The following GLI2 variants were observed in gnomAD, a reference collection of about 807,000 sequenced individuals.
GLI2 encodes transcription activator GLI2.
In GLI2, 22 loss-of-function variants were observed where a neutral mutation model predicts 78.9. The observed-to-expected ratio is 0.28, with a 90% CI of 0.20 to 0.40. The LOEUF (loss-of-function observed/expected upper bound fraction) is 0.40. Among genes scored for constraint, GLI2 ranks in the 10% least tolerant of loss-of-function variants. GLI2 has a pLI of 1.00. For missense variants in GLI2, 2,097 were observed against 2,213.2 expected (o/e 0.95, Z 1.05); for synonymous variants, 974 against 963.7 (o/e 1.01, Z -0.20).
intron 2 of GLI2, among the ~76,000 whole-genome samples, chr2:120,906,663 C>T (rs13432964): frequency 3.3e-4 from 50 of 152,058 alleles, no homozygotes; most frequent in Non-Finnish European, 6.6e-4. Context: ...TGTAACTAGT[C>T]TCTGGACACA....
intron 2 of GLI2, among the ~76,000 whole-genome samples, chr2:120,834,950 C>T (rs1686538438): frequency 6.6e-6 from 1 of 152,182 alleles, no homozygotes; most frequent in African/African-American, 2.4e-5. Context: ...TGGGTCCTCA[C>T]TCTTCAGCTC....
intron 2 of GLI2, among the ~76,000 whole-genome samples, chr2:120,815,930 C>T (rs1043591061): frequency 5.9e-5 from 9 of 152,134 alleles, no homozygotes; most frequent in East Asian, 1.9e-4. Flanking sequence ...TTAGAGTTCA[C>T]GCCTGCCTTC....
chr2:120,868,351 T>C (rs1033550169), intron 2 of GLI2, among the ~76,000 whole-genome samples: 1 of 152,246 alleles, frequency 6.6e-6, no homozygotes, highest in Non-Finnish European at 1.5e-5. Context: ...CGAACAGGAA[T>C]GTTCTGGAGG....
intron 1 of GLI2, among the ~76,000 whole-genome samples, chr2:120,743,294 C>G (rs997179843): frequency 6.6e-6 from 1 of 152,186 alleles, no homozygotes; most frequent in East Asian, 1.9e-4. Flanking sequence ...CCCCGCTCCC[C>G]TTCCTGCTTC....
chr2:120,892,597 C>G (rs1389256046), intron 2 of GLI2, among the ~76,000 whole-genome samples: 1 of 152,182 alleles, frequency 6.6e-6, no homozygotes, highest in Non-Finnish European at 1.5e-5. Flanking sequence ...CGTGTTTGTG[C>G]CTGAGGGGCT....
At chr2:120,868,179 A>G (rs1362595548) in intron 2 of GLI2, among the ~76,000 whole-genome samples, 3 of 152,236 alleles carry the variant, frequency 2.0e-5, no homozygotes, top group African/African-American at 7.2e-5. Context: ...AGCTGCAAGG[A>G]GGACTCCAGA....
intron 2 of GLI2, among the ~76,000 whole-genome samples, chr2:120,888,135 G>A (rs1048418569): frequency 9.2e-5 from 14 of 152,226 alleles, no homozygotes; most frequent in African/African-American, 3.1e-4. Flanking sequence ...CTGTCTGGCT[G>A]GATGCCGAAA....
intron 2 of GLI2, among the ~76,000 whole-genome samples, chr2:120,924,651 G>A (rs1235489608): frequency 6.6e-6 from 1 of 152,122 alleles, no homozygotes; most frequent in Non-Finnish European, 1.5e-5. Context: ...CTACACATTT[G>A]GGAAAGCGAA....
chr2:120,835,172 T>C (rs1216277948), intron 2 of GLI2, among the ~76,000 whole-genome samples: 1 of 152,168 alleles, frequency 6.6e-6, no homozygotes, highest in East Asian at 1.9e-4. Flanking sequence ...AATGGTCTTT[T>C]AGTGGCATTG....
chr2:120,968,664 CTCCCCCA>C, intron 5 of GLI2, 43 bp from the exon 6 acceptor site: 1 of 1,332,446 alleles, frequency 7.5e-7, no homozygotes, highest in African/African-American at 1.4e-5. Context: ...ATGTCACCCC[CTCCCCCA>C]TCCCCAGTGA....
At chr2:120,833,462 G>A (rs776412723) in intron 2 of GLI2, among the ~76,000 whole-genome samples, 5 of 152,166 alleles carry the variant, frequency 3.3e-5, no homozygotes, top group African/African-American at 7.2e-5. Flanking sequence ...TGCCCTGGCT[G>A]TGTGACCCTG....
intron 9 of GLI2, among the ~76,000 whole-genome samples, chr2:120,978,226 T>G (rs1025918792): frequency 1.3e-5 from 2 of 151,986 alleles, no homozygotes; most frequent in Admixed American, 6.5e-5. Flanking sequence ...GGGGTGGTCT[T>G]GTTGGGTCAG....
intron 1 of GLI2, among the ~76,000 whole-genome samples, chr2:120,770,488 A>G (rs1683491251): frequency 6.6e-6 from 1 of 152,156 alleles, no homozygotes; most frequent in African/African-American, 2.4e-5. Flanking sequence ...GGGACCCAGG[A>G]GCTGTTGCTG....
intron 2 of GLI2, among the ~76,000 whole-genome samples, chr2:120,835,498 G>A (rs1686568508): frequency 6.6e-6 from 1 of 150,686 alleles, no homozygotes; most frequent in African/African-American, 2.4e-5. Flanking sequence ...AGATTCTCCC[G>A]CCTCAGCCTC....
chr2:120,959,552 C>T (rs1427703942), intron 5 of GLI2, among the ~76,000 whole-genome samples: 1 of 152,246 alleles, frequency 6.6e-6, no homozygotes, highest in East Asian at 1.9e-4. Context: ...AAAATGCTTT[C>T]CGCACTTCCA....
At chr2:120,932,232 G>A (rs1404978255) in intron 3 of GLI2, among the ~76,000 whole-genome samples, 1 of 152,220 alleles carries the variant, frequency 6.6e-6, no homozygotes, top group African/African-American at 2.4e-5. Flanking sequence ...AGCAAATGAG[G>A]TACGGTGTCA....
At position 120,988,688 on chromosome 2, in the gene GLI2, G is replaced by T. The variant is rs1227169920; in HGVS notation, c.2723G>T (p.Arg908Leu). Residue 908 changes from arginine (R) to leucine (L), a missense_variant, in exon 14 of 14, where the codon CGC becomes CTC. Transcript: ENST00000361492. Reference sequence around the variant, plus strand: ...CTGGCGCTGCTGGACGCGCCCGAGCGCACGCTGCCCGCCGGCTGCCCACGC... The same window carrying T: ...CTGGCGCTGCTGGACGCGCCCGAGCTCACGCTGCCCGCCGGCTGCCCACGC... ...TRLALLDAPE[R>L]TLPAGCPRPL... The T allele has an allele frequency of 3.1e-6, 4 of 1,290,996 alleles. No homozygotes were observed. Among genetic ancestry groups the T allele is most frequent in the South Asian group, 1.8e-5 (1 of 56,020 alleles). The allele number at this position is 1,290,996 out of a possible 1,614,324, so 80.0% of individuals were successfully genotyped here.
intron 5 of GLI2, among the ~76,000 whole-genome samples, chr2:120,966,480 T>C (rs553168943): frequency 1.7e-4 from 26 of 152,274 alleles, no homozygotes; most frequent in African/African-American, 5.3e-4. Flanking sequence ...CTCCCCTCTG[T>C]GGCCTCAGAC....
chr2:120,864,648 A>G (rs140877903), intron 2 of GLI2, among the ~76,000 whole-genome samples: 1,853 of 152,046 alleles, frequency 0.012, 42 homozygotes, highest in African/African-American at 0.042. Flanking sequence ...ATTTTTTTGT[A>G]TTTTTAGCCA....
Sources: gnomAD v4.1 joint callset for allele counts (sites outside exome capture counted in the v4.1 genomes callset) on GRCh38, gnomAD v4.1.1 for gene constraint, MANE v1.5 for transcripts, NCBI Gene and HGNC (gene_info 2026-07-23, HGNC 2026-07-21) for gene names.